PIAS4: variants seen among roughly 807,000 people sequenced by gnomAD.
PIAS4 encodes the protein E3 SUMO-protein ligase PIAS4.
Under a neutral mutation model 58.0 loss-of-function variants are expected in PIAS4, and 7 were observed. The ratio of observed to expected loss-of-function variants is 0.12; its 90% CI spans 0.07 to 0.23. The LOEUF (loss-of-function observed/expected upper bound fraction) is 0.23. Among genes scored for constraint, PIAS4 ranks in the 10% least tolerant of loss-of-function variants. PIAS4 has a pLI of 1.00. For missense variants in PIAS4, 550 were observed against 709.5 expected (o/e 0.78, Z 2.55); for synonymous variants, 364 against 312.4 (o/e 1.17, Z -1.74).
At chr19:4,008,214 C>T (rs565518542) in intron 1 of PIAS4, among the ~76,000 whole-genome samples, 99 of 152,260 alleles carry the variant, frequency 6.5e-4, no homozygotes, top group African/African-American at 2.4e-3. Flanking sequence ...GTGTCTGCGC[C>T]TCCCCGCCCA....
At chr19:4,027,803 A>C (rs1350521752) in intron 3 of PIAS4, among the ~76,000 whole-genome samples, 1 of 150,876 alleles carries the variant, frequency 6.6e-6, no homozygotes, top group African/African-American at 2.4e-5. Context: ...GCCAGCCTTG[A>C]CCTCCCAAAC....
At chr19:4,033,631 T>G in intron 9 of PIAS4, 51 bp downstream of exon 9, 2 of 1,482,688 alleles carry the variant, frequency 1.3e-6, no homozygotes, top group South Asian at 1.2e-5. Context: ...TCCGTGGAGG[T>G]CTCGGTGGCA....
intron 3 of PIAS4, among the ~76,000 whole-genome samples, chr19:4,027,595 CTT>C (rs2040180256): frequency 8.6e-6 from 1 of 116,704 alleles, no homozygotes; most frequent in Non-Finnish European, 1.7e-5. Flanking sequence ...GAGTGTTTCT[CTT>C]TGTTACCCAG....
intron 2 of PIAS4, among the ~76,000 whole-genome samples, chr19:4,014,056 A>G (rs1488091239): frequency 6.9e-6 from 1 of 145,974 alleles, no homozygotes; most frequent in Non-Finnish European, 1.6e-5. Flanking sequence ...GGCCAGTGGC[A>G]TCCTTCCCCC....
Position 4,028,520 on chromosome 19 carries a change from T to G in PIAS4, c.592T>G (p.Ser198Ala). 1 of 1,612,524 alleles carries G rather than the reference T, an allele frequency of 6.2e-7. No individual in the cohort carries two copies. The highest frequency in any genetic ancestry group is 1.1e-5 in the South Asian group (1 of 90,994). Residue 198 changes from serine (S) to alanine (A), a missense_variant, in exon 5 of 11, where the codon TCA (serine) becomes GCA (alanine). Around this residue, in one of 4 missense-constraint regions of PIAS4, gnomAD observed 225 missense variants for 345.8 expected, o/e 0.65. Coordinates refer to ENST00000262971, the MANE Select transcript of PIAS4 (RefSeq NM_015897.4). ...CTGTTGTCGTTGCAGAATCTGTTAC[T>G]CAGACACCAGCTGCCCTCAGGAGGA... ...AVQVVLRICY[S>A]DTSCPQEDQY...
rs374858014 is a variant in PIAS4 at position 4,020,324 on chromosome 19, T to G, written c.455-3712T>G. Among the ~76,000 whole-genome samples the G allele has an allele frequency of 5.9e-5, 9 of 152,290 alleles. No homozygotes were observed. In the East Asian group the frequency reaches 1.4e-3, roughly 23 times the overall value. On this transcript the variant is annotated intron_variant, in intron 2 of 10. Transcript: ENST00000262971. ...CTGTCGTGGGTGCAGGCCACACCAC[T>G]GTGTGCACTGCCGTCCTGGGAGCAC...
intron 8 of PIAS4, 96 bp downstream of exon 8, chr19:4,033,269 G>A (rs1470230703): frequency 7.2e-7 from 1 of 1,382,366 alleles, no homozygotes; most frequent in Non-Finnish European, 1.0e-6. Context: ...TGGGCCGTGA[G>A]CCTGCGGGGG....
At chr19:4,019,523 G>C (rs1369030835) in intron 2 of PIAS4, among the ~76,000 whole-genome samples, 2 of 152,198 alleles carry the variant, frequency 1.3e-5, no homozygotes, top group Admixed American at 6.5e-5. Context: ...ACACTGAGGG[G>C]TGGGGTGTCT....
intron 2 of PIAS4, among the ~76,000 whole-genome samples, chr19:4,014,574 C>A (rs921219098): frequency 1.3e-5 from 2 of 152,182 alleles, no homozygotes; most frequent in Non-Finnish European, 2.9e-5. Context: ...CCCACTCTTT[C>A]CTTCGCACAG....
At chr19:4,028,091 C>T (rs549375430) in intron 3 of PIAS4, 55 bp from the exon 4 acceptor site, 31 of 1,565,432 alleles carry the variant, frequency 2.0e-5, no homozygotes, top group African/African-American at 9.5e-5. Context: ...GCTGGGGTCA[C>T]GCCCTCCTCA....
chr19:4,032,951 A>G (rs895333), intron 7 of PIAS4, 149 bp from the exon 8 acceptor site: 581,533 of 633,940 alleles, frequency 0.92, 267,327 homozygotes, highest in East Asian at 0.97. Context: ...CCAATCCCTC[A>G]CGGCCCCGAG....
At chr19:4,017,050 C>T (rs926619968) in intron 2 of PIAS4, among the ~76,000 whole-genome samples, 12 of 152,180 alleles carry the variant, frequency 7.9e-5, no homozygotes, top group African/African-American at 1.2e-4. Flanking sequence ...ACCATCTGTC[C>T]GTCTGCACAC....
Position 4,033,596 on chromosome 19 carries a change from CG to C in PIAS4, c.1142+20del. The C allele has an allele frequency of 1.3e-6, 2 of 1,582,870 alleles. No individual in the cohort carries two copies. The highest frequency in any genetic ancestry group is 1.1e-5 in the South Asian group (1 of 87,528). On this transcript the variant is annotated intron_variant, in intron 9 of 10. Transcript: ENST00000262971. ...TCATCGACGGGTGAGCCCGGGGCCC[CG>C]GGGAGGGCGGCCGGAGCCGGACATC...
chr19:4,011,394 C>T (rs2039990560), intron 1 of PIAS4, among the ~76,000 whole-genome samples: 2 of 152,242 alleles, frequency 1.3e-5, no homozygotes. Flanking sequence ...GCCTTCCTTC[C>T]CCTTCAGGGT....
chr19:4,029,013 A>T lies in PIAS4; in HGVS notation c.884A>T (p.His295Leu). The T allele has an allele frequency of 6.2e-7, 1 of 1,607,026 alleles. No individual in the cohort carries two copies. The highest frequency in any genetic ancestry group is 1.3e-5 in the African/African-American group (1 of 74,878). ...LQRLKTIGVKHPELCKALVKE... is the reference protein window; with the variant it reads ...LQRLKTIGVKLPELCKALVKE... Reference sequence around the variant, plus strand: ...AGGCTGAAGACCATTGGGGTAAAGCACCCGGAGCTGTGCAAGGCACTGGGT... The same window carrying T: ...AGGCTGAAGACCATTGGGGTAAAGCTCCCGGAGCTGTGCAAGGCACTGGGT... The change falls in exon 7 of 11, where the codon CAC becomes CTC. Residue 295 changes from histidine (H) to leucine (L), a missense_variant. By Grantham distance (99) the His-to-Leu change is moderately conservative. Coordinates refer to ENST00000262971, the MANE Select transcript of PIAS4 (RefSeq NM_015897.4).
intron 1 of PIAS4, among the ~76,000 whole-genome samples, chr19:4,011,004 C>T (rs983318941): frequency 6.6e-6 from 1 of 152,224 alleles, no homozygotes; most frequent in Non-Finnish European, 1.5e-5. Context: ...GAGGACCCGA[C>T]AGTGGGCCCC....
At chr19:4,025,744 G>T (rs2040157284) in intron 3 of PIAS4, among the ~76,000 whole-genome samples, 1 of 150,138 alleles carries the variant, frequency 6.7e-6, no homozygotes, top group Non-Finnish European at 1.5e-5. Context: ...CTGGGTCCCT[G>T]CTGCAGAGTG....
At chr19:4,008,694 G>C (rs1311493534) in intron 1 of PIAS4, among the ~76,000 whole-genome samples, 1 of 152,112 alleles carries the variant, frequency 6.6e-6, no homozygotes, top group Admixed American at 6.6e-5. Context: ...CCTCACCTGT[G>C]CAGCATCAGA....
intron 2 of PIAS4, among the ~76,000 whole-genome samples, chr19:4,018,032 GA>G (rs1331077297): frequency 6.6e-6 from 1 of 152,162 alleles, no homozygotes; most frequent in African/African-American, 2.4e-5. Flanking sequence ...GGCTTGTCTT[GA>G]ATTCCTAACC....
Sources: gnomAD v4.1 joint callset for allele counts (sites outside exome capture counted in the v4.1 genomes callset) on GRCh38, gnomAD v4.1.1 for gene constraint, gnomAD v4.1.1 regional missense constraint, MANE v1.5 for transcripts, NCBI Gene and HGNC (gene_info 2026-07-23, HGNC 2026-07-21) for gene names.